HPCAL1: variants seen among roughly 807,000 people sequenced by gnomAD.
The protein encoded by HPCAL1 is hippocalcin-like protein 1.
In HPCAL1, 8 loss-of-function variants were observed where a neutral mutation model predicts 17.1. The observed-to-expected ratio is 0.47, with a 90% confidence interval of 0.27 to 0.84. The LOEUF (loss-of-function observed/expected upper bound fraction) is 0.84. Among genes scored for constraint, HPCAL1 ranks in the 40% least tolerant of loss-of-function variants. The probability of loss-of-function intolerance (pLI) is 0.13; values close to 1 mark genes in which losing one functional copy is unlikely to be tolerated. For synonymous variants in HPCAL1, 112 were observed against 111.4 expected, an observed-to-expected ratio of 1.01 and a Z score of -0.03; for missense variants, 165 against 271.1, an observed-to-expected ratio of 0.61 and a Z score of 2.75.
intron 1 of HPCAL1, among the ~76,000 whole-genome samples, chr2:10,329,361 G>A (rs1179439614): frequency 1.3e-5 from 2 of 152,250 alleles, no homozygotes; most frequent in Admixed American, 6.5e-5. Flanking sequence ...TGTAGTCACT[G>A]TATTCATGTA....
At chr2:10,315,149 C>G (rs1403862571) in intron 1 of HPCAL1, among the ~76,000 whole-genome samples, 1 of 151,980 alleles carries the variant, frequency 6.6e-6, no homozygotes, top group Non-Finnish European at 1.5e-5. Flanking sequence ...AAAAATTAGC[C>G]GGGCGTGGTG....
chr2:10,325,067 A>G (rs966550646), intron 1 of HPCAL1, among the ~76,000 whole-genome samples: 2 of 151,022 alleles, frequency 1.3e-5, no homozygotes, highest in Admixed American at 6.6e-5. Flanking sequence ...TCCTGACCTC[A>G]AGTGATCCAC....
In HPCAL1 at chr2:10,426,708, C is replaced by T. The variant is rs768837301; in HGVS notation, c.485-16C>T. 1.2e-6 allele frequency: 2 copies of T among 1,605,118 alleles called. No individual in the cohort carries two copies. Among genetic ancestry groups the T allele is most frequent in the South Asian group, 2.2e-5 (2 of 90,894 alleles). On this transcript the variant is annotated splice_polypyrimidine_tract_variant and intron_variant, in intron 4 of 4. Transcript: ENST00000307845. Reference sequence around the variant, plus strand: ...AGTGAGCACTGGCTAATCCCATTGTCTCTGGTCCCCTGCAGGCAAACTGTC... The same window carrying T: ...AGTGAGCACTGGCTAATCCCATTGTTTCTGGTCCCCTGCAGGCAAACTGTC...
chr2:10,363,835 T>C lies in HPCAL1; in HGVS notation c.-110-33000T>C, dbSNP rs1666671870. 1.3e-5 allele frequency among the ~76,000 whole-genome samples: 2 copies of C among 152,222 alleles called. No individual in the cohort carries two copies. Among genetic ancestry groups the C allele is most frequent in the South Asian group, 4.1e-4 (2 of 4,828 alleles). Reference sequence around the variant, plus strand: ...TTCCCATCTCTGAGCCTTGGTTCTCTGGTCTGTTAAGTGGCAATCTTGCCC... The same window carrying C: ...TTCCCATCTCTGAGCCTTGGTTCTCCGGTCTGTTAAGTGGCAATCTTGCCC... On this transcript the variant is annotated intron_variant, in intron 1 of 4. Transcript: ENST00000307845. The surrounding 1 kb of genome is among the most constrained non-coding windows in gnomAD (Gnocchi z 4.7).
At chr2:10,315,331 A>G (rs1438577397) in intron 1 of HPCAL1, among the ~76,000 whole-genome samples, 2 of 151,922 alleles carry the variant, frequency 1.3e-5, no homozygotes, top group African/African-American at 2.4e-5. Context: ...GTTTCATTTC[A>G]TTTATGTTTG....
At chr2:10,400,381 A>T (rs1267445680) in intron 2 of HPCAL1, among the ~76,000 whole-genome samples, 1 of 152,208 alleles carries the variant, frequency 6.6e-6, no homozygotes, top group Non-Finnish European at 1.5e-5. Context: ...TGTTGCTCAT[A>T]GTGATTTGTG....
In HPCAL1 at chr2:10,359,451, G is replaced by A. The variant is rs564565345; in HGVS notation, c.-110-37384G>A. On this transcript the variant is annotated intron_variant, in intron 1 of 4. Transcript: ENST00000307845. The surrounding 1 kb of genome is among the most constrained non-coding windows in gnomAD (Gnocchi z 4.1). ...TCTTTGTTCCCAGAGGAAAGTCCCTGCAGGCCCCGGCCTCATGGCCTCTGT... is the reference window on the plus strand; with the variant it reads ...TCTTTGTTCCCAGAGGAAAGTCCCTACAGGCCCCGGCCTCATGGCCTCTGT... Among the ~76,000 whole-genome samples the A allele has an allele frequency of 6.6e-6, 1 of 152,390 alleles. No individual in the cohort carries two copies. The highest frequency in any genetic ancestry group is 2.4e-5 in the African/African-American group (1 of 41,598).
Position 10,344,078 on chromosome 2 carries a change from AT to A in HPCAL1, c.-111+40903del, listed in dbSNP as rs1665255737. ...AAGGAGCAGGGATGAAGACTCCCTT[AT>A]TAAAAACTAAACAAAACACAACACG... On this transcript the variant is annotated intron_variant, in intron 1 of 4. Transcript: ENST00000307845. The surrounding 1 kb of genome is among the most constrained non-coding windows in gnomAD (Gnocchi z 4.9). Among the ~76,000 whole-genome samples, 1 of 152,194 alleles carries A rather than the reference AT, an allele frequency of 6.6e-6. No individual in the cohort carries two copies. Among genetic ancestry groups the A allele is most frequent in the South Asian group, 2.1e-4 (1 of 4,832 alleles).
At chr2:10,402,287 A>G (rs1326982170) in intron 2 of HPCAL1, among the ~76,000 whole-genome samples, 1 of 152,162 alleles carries the variant, frequency 6.6e-6, no homozygotes, top group Non-Finnish European at 1.5e-5. Flanking sequence ...GGCGTTTTAC[A>G]CTTCGGTGTC....
chr2:10,378,930 C>T (rs186545153), intron 1 of HPCAL1, among the ~76,000 whole-genome samples: 3 of 152,300 alleles, frequency 2.0e-5, no homozygotes, highest in Admixed American at 6.5e-5. Flanking sequence ...TCATTTACAG[C>T]GAGGCGGACA....
intron 1 of HPCAL1, among the ~76,000 whole-genome samples, chr2:10,319,141 C>T (rs1460363874): frequency 1.3e-5 from 2 of 152,228 alleles, no homozygotes; most frequent in Non-Finnish European, 2.9e-5. Context: ...TGCCCCAGCA[C>T]GGGAGTGTCT....
chr2:10,315,887 G>A (rs948146228), intron 1 of HPCAL1, among the ~76,000 whole-genome samples: 14 of 152,096 alleles, frequency 9.2e-5, no homozygotes, highest in African/African-American at 3.1e-4. Flanking sequence ...CACGCCTGTA[G>A]TGCCAGCTAC....
chr2:10,404,810 C>T (rs369597882), intron 2 of HPCAL1, among the ~76,000 whole-genome samples: 1 of 152,186 alleles, frequency 6.6e-6, no homozygotes, highest in East Asian at 1.9e-4. Flanking sequence ...CACCGTGGTC[C>T]CAGGCTCTCT....
At chr2:10,410,078 G>A (rs909606068) in intron 2 of HPCAL1, among the ~76,000 whole-genome samples, 4 of 152,052 alleles carry the variant, frequency 2.6e-5, no homozygotes, top group African/African-American at 4.8e-5. Context: ...TGTGAGCCAC[G>A]GCGCCCCGGC....
In HPCAL1 at chr2:10,384,652, G is replaced by T. The variant is rs1668193340; in HGVS notation, c.-110-12183G>T. ...AGTTTCAGGGGCTTCCCTAGGGAGG[G>T]ACCCTGAGCTGGGGTCTGAAGGAAG... On this transcript the variant is annotated intron_variant, in intron 1 of 4. Transcript: ENST00000307845. The surrounding 1 kb of genome is among the most constrained non-coding windows in gnomAD (Gnocchi z 4.4). Among the ~76,000 whole-genome samples the T allele has an allele frequency of 6.6e-6, 1 of 152,166 alleles. No individual in the cohort carries two copies. The highest frequency in any genetic ancestry group is 1.5e-5 in the Non-Finnish European group (1 of 68,018).
At chr2:10,351,082 A>G (rs952566332) in intron 1 of HPCAL1, among the ~76,000 whole-genome samples, 3 of 152,236 alleles carry the variant, frequency 2.0e-5, no homozygotes, top group Admixed American at 6.5e-5. Context: ...TAAGAATGAA[A>G]GAGAAATGAA....
At chr2:10,390,421 C>CG (rs1162733476) in intron 1 of HPCAL1, among the ~76,000 whole-genome samples, 7 of 152,240 alleles carry the variant, frequency 4.6e-5, no homozygotes, top group African/African-American at 1.7e-4. Context: ...GCTTATCACC[C>CG]GGAGGCCACA....
In HPCAL1 at chr2:10,303,089, C is replaced by G. The variant is rs1289246859; in HGVS notation, c.-199C>G. On this transcript the variant is annotated 5_prime_UTR_variant, in exon 1 of 5. Transcript: ENST00000307845. The stretch of plus-strand genomic sequence containing the variant: ...CTCCTCCCGGCCTCGGCGCGCTTGT[C>G]CCGGGCAGCGGCCCGGGCCCGCTGC... The G allele has an allele frequency of 6.6e-6, 1 of 151,898 alleles. No homozygotes were observed. The highest frequency in any genetic ancestry group is 1.5e-5 in the Non-Finnish European group (1 of 67,946). 9.4% of individuals were successfully genotyped at this position (151,898 alleles called of 1,614,324 possible). A position where few individuals can be genotyped will look rare whatever the true frequency, so the allele number is the denominator to read the frequency against.
At chr2:10,321,920 C>G (rs759772334) in intron 1 of HPCAL1, among the ~76,000 whole-genome samples, 1 of 152,166 alleles carries the variant, frequency 6.6e-6, no homozygotes, top group African/African-American at 2.4e-5. Flanking sequence ...AACAATGCTG[C>G]GAGGAACAAG....
Sources: gnomAD v4.1 joint callset for allele counts (sites outside exome capture counted in the v4.1 genomes callset) on GRCh38, gnomAD v4.1.1 for gene constraint, Gnocchi (gnomAD v3.1) non-coding constraint, MANE v1.5 for transcripts, NCBI Gene and HGNC (gene_info 2026-07-23, HGNC 2026-07-21) for gene names.